The following CCDC6 variants were observed in gnomAD, a reference collection of about 807,000 sequenced individuals.
CCDC6 encodes coiled-coil domain containing 6.
CCDC6 carries 20 observed loss-of-function variants against 56.6 expected under a neutral mutation model. That is an observed-to-expected ratio of 0.35 (90% CI 0.25 to 0.51). CCDC6 has a LOEUF of 0.51. Among genes scored for constraint, CCDC6 ranks in the 20% least tolerant of loss-of-function variants. CCDC6 has a pLI of 0.95. For synonymous variants in CCDC6, 241 were observed against 234.4 expected, an observed-to-expected ratio of 1.03 and a Z score of -0.26; for missense variants, 367 against 601.1, an observed-to-expected ratio of 0.61 and a Z score of 4.07.
At chr10:59,802,660 T>C (rs1359815106) in intron 7 of CCDC6, among the ~76,000 whole-genome samples, 1 of 152,186 alleles carries the variant, frequency 6.6e-6, no homozygotes, top group Non-Finnish European at 1.5e-5. Flanking sequence ...AAAAGTCAAA[T>C]AGCTTATCTA....
chr10:59,851,895 C>CTTTA (rs2071042605), intron 2 of CCDC6, among the ~76,000 whole-genome samples: 1 of 149,534 alleles, frequency 6.7e-6, no homozygotes, highest in Non-Finnish European at 1.5e-5. Flanking sequence ...GCAAATTTTA[C>CTTTA]CTTGTACTTT....
chr10:59,795,531 G>C (rs1564735977), intron 7 of CCDC6, among the ~76,000 whole-genome samples: 1 of 151,238 alleles, frequency 6.6e-6, no homozygotes, highest in African/African-American at 2.4e-5. Context: ...GTGCAGGTTA[G>C]TTACATATGT....
Position 59,906,280 on chromosome 10 carries a change from T to C in CCDC6, c.145A>G (p.Ile49Val). 1 of 1,609,964 alleles carries C rather than the reference T, an allele frequency of 6.2e-7. No homozygotes were observed. Reference sequence around the variant, plus strand: ...TCCAGGCGGAACGGCGAGATGACAATGCCCCCCGACTTCCCACCGCCGCCG... The same window carrying C: ...TCCAGGCGGAACGGCGAGATGACAACGCCCCCCGACTTCCCACCGCCGCCG... The part of the protein sequence containing the change: ...GGGGGGKSGG[I>V]VISPFRLEEL... Residue 49 changes from isoleucine (I) to valine (V), a missense_variant, in exon 1 of 9, where the codon ATT (isoleucine) becomes GTT (valine). This residue lies in a region of CCDC6 where 79 missense variants were observed against 74.9 expected (regional missense o/e 1.05). Transcript: ENST00000263102.
intron 1 of CCDC6, among the ~76,000 whole-genome samples, chr10:59,899,742 C>T (rs938243710): frequency 2.0e-5 from 3 of 152,220 alleles, no homozygotes; most frequent in African/African-American, 7.2e-5. Context: ...ACTTTTTCCT[C>T]CAAGCCCTGC....
intron 1 of CCDC6, among the ~76,000 whole-genome samples, chr10:59,876,556 T>C (rs1369911033): frequency 1.4e-5 from 2 of 141,426 alleles, no homozygotes; most frequent in Non-Finnish European, 3.0e-5. Context: ...TAAAGATAGC[T>C]GCCGTGTTAT....
intron 1 of CCDC6, among the ~76,000 whole-genome samples, chr10:59,867,902 G>A (rs971632377): frequency 1.3e-5 from 2 of 152,024 alleles, no homozygotes; most frequent in Non-Finnish European, 2.9e-5. Context: ...TGACCTGGAA[G>A]CCCCCACTTT....
intron 7 of CCDC6, among the ~76,000 whole-genome samples, chr10:59,797,766 A>C (rs1419231365): frequency 6.6e-6 from 1 of 151,786 alleles, no homozygotes; most frequent in Non-Finnish European, 1.5e-5. Context: ...AGAATATTCA[A>C]TACAAGGAAT....
chr10:59,838,194 C>CCAAG (rs1221716011), intron 2 of CCDC6, among the ~76,000 whole-genome samples: 2 of 151,510 alleles, frequency 1.3e-5, no homozygotes, highest in East Asian at 3.9e-4. Context: ...TCATGAGTTA[C>CCAAG]CAAGGCCCAT....
chr10:59,802,613 A>G (rs902845267), intron 7 of CCDC6, among the ~76,000 whole-genome samples: 3 of 152,106 alleles, frequency 2.0e-5, no homozygotes, highest in African/African-American at 7.2e-5. Context: ...AGCTGTAAGG[A>G]AAAAAAATCT....
intron 2 of CCDC6, among the ~76,000 whole-genome samples, chr10:59,841,889 G>A (rs374790334): frequency 1.2e-4 from 18 of 151,926 alleles, no homozygotes; most frequent in South Asian, 1.0e-3. Context: ...GGACGGTCTC[G>A]ATCTCCTGAC....
At chr10:59,863,643 T>G (rs1261318463) in intron 1 of CCDC6, among the ~76,000 whole-genome samples, 5 of 152,230 alleles carry the variant, frequency 3.3e-5, no homozygotes. Flanking sequence ...CACTGAACTG[T>G]ACATTTTACA....
At chr10:59,809,849 C>T (rs1430765754) in intron 5 of CCDC6, among the ~76,000 whole-genome samples, 1 of 152,114 alleles carries the variant, frequency 6.6e-6, no homozygotes, top group East Asian at 1.9e-4. Context: ...TCTCAGTTTC[C>T]AAGAACCCAA....
chr10:59,797,613 A>AAAAAAAAAAAAAAAAAAG (rs1327757044), intron 7 of CCDC6, among the ~76,000 whole-genome samples: 1 of 146,522 alleles, frequency 6.8e-6, no homozygotes, highest in African/African-American at 2.6e-5. Flanking sequence ...AAAAAAAAAA[A>AAAAAAAAAAAAAAAAAAG]AAAAATCAAC....
chr10:59,859,432 T>C (rs1165188310), intron 1 of CCDC6, among the ~76,000 whole-genome samples: 2 of 152,076 alleles, frequency 1.3e-5, no homozygotes, highest in African/African-American at 4.8e-5. Flanking sequence ...ATAAAACATT[T>C]AGAAAACAAA....
chr10:59,865,111 G>A (rs2071166209), intron 1 of CCDC6, among the ~76,000 whole-genome samples: 1 of 152,178 alleles, frequency 6.6e-6, no homozygotes, highest in Admixed American at 6.5e-5. Context: ...CTATTTACGA[G>A]AAACCTATCA....
chr10:59,838,479 C>T (rs780807760), intron 2 of CCDC6, among the ~76,000 whole-genome samples: 10 of 152,164 alleles, frequency 6.6e-5, no homozygotes, highest in Admixed American at 1.3e-4. Context: ...ATGATCCAAT[C>T]CCTATGCAAG....
chr10:59,905,690 G>C (rs1444251476), intron 1 of CCDC6, among the ~76,000 whole-genome samples: 1 of 152,074 alleles, frequency 6.6e-6, no homozygotes, highest in Non-Finnish European at 1.5e-5. Context: ...CCCACACTCC[G>C]AGCCAGGACC....
chr10:59,863,414 A>G (rs554033785), intron 1 of CCDC6, among the ~76,000 whole-genome samples: 1 of 152,388 alleles, frequency 6.6e-6, no homozygotes, highest in South Asian at 2.1e-4. Context: ...ATGTTACAAT[A>G]CAAAGCTCAA....
chr10:59,898,989 A>G (rs1172058051), intron 1 of CCDC6, among the ~76,000 whole-genome samples: 1 of 152,200 alleles, frequency 6.6e-6, no homozygotes, highest in Non-Finnish European at 1.5e-5. Flanking sequence ...AAGAATACTT[A>G]TCCCTAAAGA....
Sources: gnomAD v4.1 joint callset for allele counts (sites outside exome capture counted in the v4.1 genomes callset) on GRCh38, gnomAD v4.1.1 for gene constraint, gnomAD v4.1.1 regional missense constraint, MANE v1.5 for transcripts, NCBI Gene and HGNC (gene_info 2026-07-23, HGNC 2026-07-21) for gene names.